The following MAML3 variants were observed in gnomAD, a reference collection of about 807,000 sequenced individuals.
MAML3 encodes the protein mastermind like transcriptional coactivator 3.
A neutral mutation model predicts 101.9 loss-of-function variants in MAML3; 27 were observed. The ratio of observed to expected loss-of-function variants is 0.27; its 90% CI spans 0.20 to 0.37. The LOEUF (loss-of-function observed/expected upper bound fraction) is 0.37, where lower values mean the gene tolerates loss of function less well. Ranked by LOEUF, MAML3 falls within the 10% of genes least tolerant of loss-of-function variation. The pLI is 1.00. For missense variants in MAML3, 1,316 were observed against 1,444.9 expected (o/e 0.91, Z 1.45); for synonymous variants, 501 against 555.9 (o/e 0.90, Z 1.39).
At position 139,720,024 on chromosome 4, in the gene MAML3, C is replaced by A. The variant is rs1448100347; in HGVS notation, c.2716G>T (p.Gly906Trp). 1.2e-6 allele frequency: 2 copies of A among 1,614,084 alleles called. No homozygotes were observed. Among genetic ancestry groups the A allele is most frequent in the South Asian group, 2.2e-5 (2 of 91,090 alleles). Residue 906 changes from glycine (G) to tryptophan (W), a missense_variant, in exon 5 of 5, where the codon GGG becomes TGG. By Grantham distance (184) the Gly-to-Trp change is radical. Transcript: ENST00000509479. ...CCACTCACCATTCCAACCCCCTGCC[C>A]AGAGGCAGGTTGCCTCGGTCCCTGG... Reference protein sequence around the residue: ...QAQGPRQPASGQGVGMVSGFG... With the variant: ...QAQGPRQPASWQGVGMVSGFG...
chr4:140,135,693 G>A (rs1358778399), intron 1 of MAML3, among the ~76,000 whole-genome samples: 1 of 152,200 alleles, frequency 6.6e-6, no homozygotes, highest in African/African-American at 2.4e-5. Context: ...CCAAACAAAA[G>A]CCAGCCACGG....
intron 1 of MAML3, among the ~76,000 whole-genome samples, chr4:140,022,958 C>A (rs951053349): frequency 6.6e-6 from 1 of 152,098 alleles, no homozygotes; most frequent in African/African-American, 2.4e-5. Flanking sequence ...AGCTTTTACC[C>A]AAAGCATATT....
chr4:140,078,392 T>C (rs948466013), intron 1 of MAML3, among the ~76,000 whole-genome samples: 9 of 152,232 alleles, frequency 5.9e-5, no homozygotes, highest in African/African-American at 1.7e-4. Flanking sequence ...TTACTATTTG[T>C]ATTACACTTT....
At position 139,730,443 on chromosome 4, in the gene MAML3, CTG is replaced by C. The variant is rs1728655598; in HGVS notation, c.2302_2303del (p.Gln768AlafsTer94). The stretch of plus-strand genomic sequence containing the variant: ...GTTCCGCCAAAATCTGCTGCTGCTG[CTG>C]CTGCTGCTGCTGCCTTTGCTCCCGC... ...FLREQRQQQQ[Q>X]QQQQILAEQQ... On this transcript the variant is annotated frameshift_variant, in exon 3 of 5. Coordinates refer to ENST00000509479, the MANE Select transcript of MAML3 (RefSeq NM_018717.5). LOFTEE classifies it high-confidence loss of function. The C allele has an allele frequency of 7.1e-6, 11 of 1,551,316 alleles. No homozygotes were observed. The highest frequency in any genetic ancestry group is 4.9e-5 in the East Asian group (2 of 40,940).
chr4:139,759,935 G>A (rs1235403658), intron 2 of MAML3, among the ~76,000 whole-genome samples: 2 of 152,202 alleles, frequency 1.3e-5, no homozygotes, highest in East Asian at 3.8e-4. Flanking sequence ...AAAACAAAGA[G>A]GCCACCTTTC....
intron 3 of MAML3, 81 bp downstream of exon 3, chr4:139,730,335 C>T (rs1728648721): frequency 7.9e-7 from 1 of 1,258,924 alleles, no homozygotes; most frequent in Non-Finnish European, 1.1e-6. Context: ...ATGTGAACTG[C>T]CACTTCCTCA....
At chr4:139,910,237 C>T (rs1005216136) in intron 1 of MAML3, among the ~76,000 whole-genome samples, 1 of 152,176 alleles carries the variant, frequency 6.6e-6, no homozygotes, top group Non-Finnish European at 1.5e-5. Flanking sequence ...AATTATCGGC[C>T]AGTCCCCAGG....
Position 139,890,322 on chromosome 4 carries a change from C to T in MAML3, c.1114G>A (p.Gly372Arg). The T allele has an allele frequency of 6.2e-7, 1 of 1,612,060 alleles. No individual in the cohort carries two copies. Among genetic ancestry groups the T allele is most frequent in the Non-Finnish European group, 8.5e-7 (1 of 1,178,754 alleles). The change falls in exon 2 of 5, where the codon GGA (glycine) becomes AGA (arginine). Residue 372 changes from glycine to arginine, a missense_variant. Gly to Arg is a moderately radical substitution (Grantham distance 125). Coordinates refer to ENST00000509479, the MANE Select transcript of MAML3 (RefSeq NM_018717.5). This position sits in a 1 kb window ranked among gnomAD's most constrained non-coding sequence, Gnocchi z 4.1. ...GAAGAAGGCCTCGCCTGGGGAGATC[C>T]CATGGAGACATGTGCGAAGGGAGAG... ...SHSPFAHVSM[G>R]SPQARPSSSG...
At chr4:139,724,775 CT>C (rs34621312) in intron 4 of MAML3, among the ~76,000 whole-genome samples, 56,142 of 129,960 alleles carry the variant, frequency 0.43, 11,319 homozygotes, top group Middle Eastern at 0.56. Context: ...CCTCAAGGGT[CT>C]TTTTTTTTTT....
At chr4:139,881,957 G>T (rs888550943) in intron 2 of MAML3, among the ~76,000 whole-genome samples, 1 of 152,168 alleles carries the variant, frequency 6.6e-6, no homozygotes, top group African/African-American at 2.4e-5. Context: ...CTCCCAAAGT[G>T]CTGGGATTAC....
intron 1 of MAML3, among the ~76,000 whole-genome samples, chr4:140,023,626 A>T (rs1460083424): frequency 6.6e-6 from 1 of 152,240 alleles, no homozygotes; most frequent in African/African-American, 2.4e-5. Context: ...GCATTCAGAC[A>T]TGGCTTTTAA....
intron 1 of MAML3, among the ~76,000 whole-genome samples, chr4:140,151,694 G>GC (rs900398705): frequency 4.7e-5 from 7 of 149,892 alleles, no homozygotes; most frequent in Non-Finnish European, 1.0e-4. Context: ...GCGGTGCGGG[G>GC]GGGGGGGGCA....
At chr4:140,003,237 G>T (rs1361692043) in intron 1 of MAML3, among the ~76,000 whole-genome samples, 1 of 152,120 alleles carries the variant, frequency 6.6e-6, no homozygotes, top group Non-Finnish European at 1.5e-5. Flanking sequence ...ACTGGGTTGG[G>T]GTGCATTTGG....
chr4:139,759,441 C>T (rs1415377614), intron 2 of MAML3, among the ~76,000 whole-genome samples: 3 of 152,212 alleles, frequency 2.0e-5, no homozygotes, highest in African/African-American at 4.8e-5. Context: ...CCCCAGGTCC[C>T]GGCCTGACTC....
intron 1 of MAML3, among the ~76,000 whole-genome samples, chr4:140,095,603 C>T (rs1728143161): frequency 6.6e-6 from 1 of 152,170 alleles, no homozygotes; most frequent in Non-Finnish European, 1.5e-5. Context: ...CACTGCCCTT[C>T]TTGCCCCCTC....
rs75538979 is a variant in MAML3 at position 140,043,680 on chromosome 4, A to G, written c.468+109180T>C. Among the ~76,000 whole-genome samples, 8 of 152,362 alleles carry G rather than the reference A, an allele frequency of 5.3e-5. No homozygotes were observed. The East Asian group carries it at 1.5e-3, about 29-fold the overall frequency. ...TGGAAGAGCTTACACGGGTACACACAGTATATTTCAATCTTATCAATCGTG... is the reference window on the plus strand; with the variant it reads ...TGGAAGAGCTTACACGGGTACACACGGTATATTTCAATCTTATCAATCGTG... On this transcript the variant is annotated intron_variant, in intron 1 of 4. Coordinates refer to ENST00000509479, the MANE Select transcript of MAML3 (RefSeq NM_018717.5).
chr4:139,867,623 T>C (rs1014052879), intron 2 of MAML3, among the ~76,000 whole-genome samples: 1 of 152,218 alleles, frequency 6.6e-6, no homozygotes, highest in Admixed American at 6.5e-5. Context: ...CCAGAATCTG[T>C]TGATTCCAAA....
chr4:139,982,151 A>G (rs537007758), intron 1 of MAML3, among the ~76,000 whole-genome samples: 26 of 152,166 alleles, frequency 1.7e-4, no homozygotes, highest in Non-Finnish European at 2.9e-4. Context: ...CTTCTTCCAC[A>G]TTGATTTTTC....
At chr4:139,839,854 G>T (rs1416226462) in intron 2 of MAML3, among the ~76,000 whole-genome samples, 1 of 152,106 alleles carries the variant, frequency 6.6e-6, no homozygotes, top group Admixed American at 6.5e-5. Flanking sequence ...GCATGGAGGC[G>T]AGGGGAAGCA....
Sources: gnomAD v4.1 joint callset for allele counts (sites outside exome capture counted in the v4.1 genomes callset) on GRCh38, gnomAD v4.1.1 for gene constraint, Gnocchi (gnomAD v3.1) non-coding constraint, MANE v1.5 for transcripts, NCBI Gene and HGNC (gene_info 2026-07-23, HGNC 2026-07-21) for gene names.